The following SCN3A variants were observed in gnomAD, a reference collection of about 807,000 sequenced individuals.
SCN3A encodes the protein sodium channel protein type 3 subunit alpha.
In SCN3A, 60 loss-of-function variants were observed where a neutral mutation model predicts 187.6. The ratio of observed to expected loss-of-function variants is 0.32; its 90% CI spans 0.26 to 0.40. The LOEUF is 0.40. SCN3A is among the 10% of genes least tolerant of loss of function. The pLI is 1.00. For synonymous variants in SCN3A, 788 were observed against 829.2 expected, an observed-to-expected ratio of 0.95 and a Z score of 0.85; for missense variants, 1,601 against 2,428.2, an observed-to-expected ratio of 0.66 and a Z score of 7.16.
chr2:165,159,021 C>G (rs556013896), intron 9 of SCN3A, among the ~76,000 whole-genome samples: 9 of 138,158 alleles, frequency 6.5e-5, no homozygotes, highest in Non-Finnish European at 1.2e-4. Context: ...AACCGCCAAA[C>G]TGTCTTCCAA....
chr2:165,178,205 T>C (rs925679298), intron 2 of SCN3A, among the ~76,000 whole-genome samples: 1 of 152,076 alleles, frequency 6.6e-6, no homozygotes. Flanking sequence ...AAAGTGTTTC[T>C]ATAACATTAC....
intron 12 of SCN3A, among the ~76,000 whole-genome samples, chr2:165,141,298 C>G (rs1164837874): frequency 6.6e-6 from 1 of 152,064 alleles, no homozygotes; most frequent in East Asian, 1.9e-4. Context: ...AGGTTAGGGA[C>G]CAGATGCTGA....
At chr2:165,202,107 C>T (rs1692359891) in intron 1 of SCN3A, among the ~76,000 whole-genome samples, 1 of 151,938 alleles carries the variant, frequency 6.6e-6, no homozygotes. Flanking sequence ...AATGAAATCA[C>T]CACTACATTC....
At position 165,197,242 on chromosome 2, in the gene SCN3A, T is replaced by G. The variant is rs6735674; in HGVS notation, c.-248+6581A>C. On this transcript the variant is annotated intron_variant, in intron 1 of 27. Coordinates refer to ENST00000283254, the MANE Select transcript of SCN3A (RefSeq NM_006922.4). ...ATGCCCGCTGGTTAGCACTTTGAAATTATTTTGAAAAGCGTTTGTCAACTA... is the reference window on the plus strand; with the variant it reads ...ATGCCCGCTGGTTAGCACTTTGAAAGTATTTTGAAAAGCGTTTGTCAACTA... Among the ~76,000 whole-genome samples, 77 of 152,260 alleles carry G rather than the reference T, an allele frequency of 5.1e-4. 1 individual carries two copies. The highest frequency in any genetic ancestry group is 1.7e-3 in the African/African-American group (72 of 41,570).
At chr2:165,193,731 T>G (rs1691755943) in intron 1 of SCN3A, among the ~76,000 whole-genome samples, 1 of 152,150 alleles carries the variant, frequency 6.6e-6, no homozygotes, top group Admixed American at 6.6e-5. Context: ...GAACTTGAGG[T>G]ATGACTTACA....
chr2:165,120,341 C>T (rs1198039846), intron 18 of SCN3A, among the ~76,000 whole-genome samples: 4 of 151,884 alleles, frequency 2.6e-5, no homozygotes, highest in East Asian at 3.9e-4. Flanking sequence ...CATTCCCCGC[C>T]GCCCAATAGA....
chr2:165,178,617 A>G (rs1690625117), intron 2 of SCN3A, among the ~76,000 whole-genome samples: 1 of 152,212 alleles, frequency 6.6e-6, no homozygotes, highest in Admixed American at 6.5e-5. Context: ...GCTACTATGA[A>G]GGTATATTCT....
intron 5 of SCN3A, among the ~76,000 whole-genome samples, chr2:165,165,253 T>C (rs1021349029): frequency 2.6e-5 from 4 of 151,020 alleles, no homozygotes; most frequent in African/African-American, 9.7e-5. Context: ...CCTGAGTGTA[T>C]GTGTGTGTGT....
intron 2 of SCN3A, among the ~76,000 whole-genome samples, chr2:165,184,483 GAAAAAAAAAAAA>G (rs397986547): frequency 1.0e-4 from 6 of 59,574 alleles, no homozygotes; most frequent in Non-Finnish European, 2.4e-4. Context: ...GTCTAGTTCA[GAAAAAAAAAAAA>G]AAAAGAAAAA....
At chr2:165,158,056 A>G (rs1191529907) in intron 9 of SCN3A, among the ~76,000 whole-genome samples, 1 of 152,222 alleles carries the variant, frequency 6.6e-6, no homozygotes, top group East Asian at 1.9e-4. Context: ...AAATGGTATT[A>G]GAAACCAAGA....
chr2:165,108,365 A>G (rs561545548), intron 21 of SCN3A, among the ~76,000 whole-genome samples: 1 of 152,180 alleles, frequency 6.6e-6, no homozygotes, highest in East Asian at 1.9e-4. Context: ...AAGTGTCCCT[A>G]TGGTGGTTTT....
At chr2:165,163,779 A>C in intron 6 of SCN3A, 70 bp from the exon 7 acceptor site, 2 of 1,612,934 alleles carry the variant, frequency 1.2e-6, no homozygotes, top group Non-Finnish European at 1.7e-6. Context: ...GGGGCCTACT[A>C]CCTTACACCA....
chr2:165,156,695 T>C (rs904639998), intron 9 of SCN3A, among the ~76,000 whole-genome samples: 4 of 152,018 alleles, frequency 2.6e-5, no homozygotes, highest in Non-Finnish European at 5.9e-5. Context: ...CTTCATACAT[T>C]CCATGCCATT....
At chr2:165,136,809 C>T (rs1687697053) in intron 15 of SCN3A, among the ~76,000 whole-genome samples, 1 of 152,166 alleles carries the variant, frequency 6.6e-6, no homozygotes, top group Non-Finnish European at 1.5e-5. Flanking sequence ...TCAAATAATG[C>T]AGATAATTTG....
intron 21 of SCN3A, 45 bp downstream of exon 21, chr2:165,112,840 G>T: frequency 2.0e-6 from 3 of 1,519,144 alleles, no homozygotes; most frequent in South Asian, 1.1e-5. Flanking sequence ...TGTCAAACTT[G>T]CCTCTTTTAA....
At chr2:165,202,775 G>A (rs1692401455) in intron 1 of SCN3A, among the ~76,000 whole-genome samples, 1 of 152,034 alleles carries the variant, frequency 6.6e-6, no homozygotes, top group African/African-American at 2.4e-5. Flanking sequence ...TGAATGTGAT[G>A]AAATGTTTCC....
At chr2:165,094,163 T>C in intron 26 of SCN3A, 1 of 584,556 alleles carries the variant, frequency 1.7e-6, no homozygotes, top group South Asian at 2.0e-5. Context: ...AGTTTTCAAC[T>C]CACAAATTAT....
Position 165,090,951 on chromosome 2 carries a change from G to T in SCN3A, c.5202C>A (p.Gly1734=), listed in dbSNP as rs754097882. ...PDCDPDTIHP[G]SSVKGDCGNP... ...TCCCACAGTCTCCCTTAACTGAGCT[G>T]CCAGGGTGAATTGTGTCAGGGTCAC... is the stretch of plus-strand genomic sequence containing the variant. The change falls in exon 28 of 28, where the codon GGC becomes GGA. Residue 1734 remains glycine, a synonymous_variant. Transcript: ENST00000283254. The surrounding 1 kb of genome is among the most constrained non-coding windows in gnomAD (Gnocchi z 4.0). The T allele has an allele frequency of 1.2e-6, 2 of 1,614,072 alleles. No individual in the cohort carries two copies. Among genetic ancestry groups the T allele is most frequent in the African/African-American group, 1.3e-5 (1 of 75,002 alleles).
In SCN3A at chr2:165,173,747, G is replaced by T. The variant is rs142883639; in HGVS notation, c.264+2384C>A. Among the ~76,000 whole-genome samples the T allele has an allele frequency of 7.3e-3, 1,110 of 152,144 alleles. 9 individuals carry two copies. Among genetic ancestry groups the T allele is most frequent in the Middle Eastern group, 0.054 (16 of 294 alleles). ...TTAAATTCTAAAACTTCCTCCATTA[G>T]CTTCTTACTTTACTCCTTCTATGCT... On this transcript the variant is annotated intron_variant, in intron 3 of 27. Transcript: ENST00000283254.
Sources: gnomAD v4.1 joint callset for allele counts (sites outside exome capture counted in the v4.1 genomes callset) on GRCh38, gnomAD v4.1.1 for gene constraint, Gnocchi (gnomAD v3.1) non-coding constraint, MANE v1.5 for transcripts, NCBI Gene and HGNC (gene_info 2026-07-23, HGNC 2026-07-21) for gene names.